SPAG16: variants seen among roughly 807,000 people sequenced by gnomAD.
The protein encoded by SPAG16 is sperm associated antigen 16.
SPAG16 carries 86 observed loss-of-function variants against 80.4 expected under a neutral mutation model. The ratio of observed to expected loss-of-function variants is 1.07; its 90% CI spans 0.90 to 1.28. The LOEUF (loss-of-function observed/expected upper bound fraction) is 1.28, where lower values mean the gene tolerates loss of function less well. Among genes scored for constraint, SPAG16 ranks in the 50% most tolerant of loss-of-function variants. The probability of loss-of-function intolerance (pLI) is 0.00; values close to 1 mark genes in which losing one functional copy is unlikely to be tolerated. For missense variants in SPAG16, 870 were observed against 765.3 expected, an observed-to-expected ratio of 1.14 and a Z score of -1.61; for synonymous variants, 294 against 265.9, an observed-to-expected ratio of 1.11 and a Z score of -1.03.
chr2:214,278,128 C>G (rs1692615850), intron 15 of SPAG16, among the ~76,000 whole-genome samples: 1 of 152,180 alleles, frequency 6.6e-6, no homozygotes, highest in African/African-American at 2.4e-5. Context: ...GAGCCAGGCG[C>G]AGGATGTAAT....
chr2:213,331,099 T>A (rs1457632589), intron 5 of SPAG16, among the ~76,000 whole-genome samples: 1 of 152,066 alleles, frequency 6.6e-6, no homozygotes, highest in African/African-American at 2.4e-5. Flanking sequence ...CTATCAGGGG[T>A]AGAGAGTTTT....
At chr2:213,381,734 A>G (rs1377976469) in intron 9 of SPAG16, among the ~76,000 whole-genome samples, 1 of 152,214 alleles carries the variant, frequency 6.6e-6, no homozygotes, top group Non-Finnish European at 1.5e-5. Flanking sequence ...GCCTATTGTG[A>G]GAGATGTAGC....
At chr2:213,883,545 T>G (rs777200143) in intron 11 of SPAG16, among the ~76,000 whole-genome samples, 2 of 152,196 alleles carry the variant, frequency 1.3e-5, no homozygotes, top group Non-Finnish European at 2.9e-5. Flanking sequence ...AAGTGTCAAG[T>G]TTAAGGCCAG....
At chr2:213,755,707 T>C (rs972878626) in intron 10 of SPAG16, among the ~76,000 whole-genome samples, 44 of 152,158 alleles carry the variant, frequency 2.9e-4, no homozygotes, top group Non-Finnish European at 5.9e-5. Flanking sequence ...TTCAAGCTGA[T>C]GATAATGATG....
intron 15 of SPAG16, among the ~76,000 whole-genome samples, chr2:214,213,667 GT>G (rs2125755569): frequency 6.6e-6 from 1 of 152,294 alleles, no homozygotes; most frequent in Non-Finnish European, 1.5e-5. Flanking sequence ...TTTGGAAACT[GT>G]CCCCTGGAAT....
intron 10 of SPAG16, among the ~76,000 whole-genome samples, chr2:213,799,347 T>G (rs2071239326): frequency 1.3e-5 from 2 of 152,160 alleles, no homozygotes; most frequent in South Asian, 4.1e-4. Context: ...GATGGAATTA[T>G]TTTCCTAATT....
At chr2:213,584,799 C>T (rs1490328039) in intron 10 of SPAG16, among the ~76,000 whole-genome samples, 2 of 152,030 alleles carry the variant, frequency 1.3e-5, no homozygotes, top group African/African-American at 4.8e-5. Context: ...TTATTGGTGG[C>T]TAGGAAATAT....
chr2:214,019,379 A>G (rs1020271289), intron 13 of SPAG16, among the ~76,000 whole-genome samples: 2 of 152,170 alleles, frequency 1.3e-5, no homozygotes, highest in Non-Finnish European at 1.5e-5. Flanking sequence ...TGGGCTGGCA[A>G]CAGTCAGAGT....
At chr2:213,706,824 G>A (rs535858076) in intron 10 of SPAG16, among the ~76,000 whole-genome samples, 2 of 152,248 alleles carry the variant, frequency 1.3e-5, no homozygotes, top group East Asian at 3.9e-4. Flanking sequence ...TATACTCACT[G>A]TCTGTAGCTA....
At chr2:214,269,782 G>C (rs1306952855) in intron 15 of SPAG16, among the ~76,000 whole-genome samples, 2 of 152,054 alleles carry the variant, frequency 1.3e-5, no homozygotes, top group African/African-American at 4.8e-5. Flanking sequence ...AAGCAGAGAA[G>C]GTCTGTGAGA....
chr2:213,702,472 C>T (rs569426317), intron 10 of SPAG16, among the ~76,000 whole-genome samples: 86 of 152,250 alleles, frequency 5.6e-4, no homozygotes, highest in Non-Finnish European at 9.6e-4. Flanking sequence ...CACGAACTCA[C>T]CAAAAGGAAC....
chr2:214,323,647 T>G (rs920252626), intron 15 of SPAG16, among the ~76,000 whole-genome samples: 1 of 152,226 alleles, frequency 6.6e-6, no homozygotes, highest in Non-Finnish European at 1.5e-5. Context: ...GATTGCGATA[T>G]TTCTTTCCAA....
At chr2:213,749,262 A>G (rs1232830436) in intron 10 of SPAG16, among the ~76,000 whole-genome samples, 1 of 152,110 alleles carries the variant, frequency 6.6e-6, no homozygotes, top group Admixed American at 6.5e-5. Context: ...TTTATGTTTA[A>G]TGGTCATTTA....
chr2:213,916,310 CCA>C (rs1445513157), intron 11 of SPAG16, among the ~76,000 whole-genome samples: 2 of 152,172 alleles, frequency 1.3e-5, no homozygotes, highest in African/African-American at 4.8e-5. Flanking sequence ...AGGAAGGGAT[CCA>C]GTTTCACTTC....
intron 10 of SPAG16, among the ~76,000 whole-genome samples, chr2:213,749,550 C>T (rs1454329621): frequency 6.6e-6 from 1 of 152,160 alleles, no homozygotes; most frequent in Non-Finnish European, 1.5e-5. Flanking sequence ...CTCCATATAG[C>T]TGAAGTAGTG....
chr2:214,318,217 G>A (rs1188237640), intron 15 of SPAG16, among the ~76,000 whole-genome samples: 1 of 152,048 alleles, frequency 6.6e-6, no homozygotes, highest in Non-Finnish European at 1.5e-5. Flanking sequence ...TGACTGATAT[G>A]CGATACTTGG....
At position 213,503,884 on chromosome 2, in the gene SPAG16, G is replaced by C. The variant is rs372468119; in HGVS notation, c.1070+13794G>C. 1.8e-4 allele frequency among the ~76,000 whole-genome samples: 28 copies of C among 152,298 alleles called. No individual in the cohort carries two copies. In the East Asian group the frequency reaches 3.9e-3, roughly 21 times the overall value. On this transcript the variant is annotated intron_variant, in intron 10 of 15. Transcript: ENST00000331683. ...TGAGGGTTAGTGGGAGGAAAAGCAG[G>C]TTTTAATTGGAAAGCCAGCAAACTG...
chr2:213,429,410 C>T (rs2070150769), intron 9 of SPAG16, among the ~76,000 whole-genome samples: 1 of 152,098 alleles, frequency 6.6e-6, no homozygotes, highest in South Asian at 2.1e-4. Flanking sequence ...TTAAGTTGCT[C>T]CCTGGCCTAG....
intron 15 of SPAG16, among the ~76,000 whole-genome samples, chr2:214,311,336 T>C (rs562409668): frequency 6.6e-6 from 1 of 152,208 alleles, no homozygotes; most frequent in East Asian, 1.9e-4. Flanking sequence ...TAATGACCCA[T>C]AACAGATACA....
Sources: gnomAD v4.1 joint callset for allele counts (sites outside exome capture counted in the v4.1 genomes callset) on GRCh38, gnomAD v4.1.1 for gene constraint, MANE v1.5 for transcripts, NCBI Gene and HGNC (gene_info 2026-07-23, HGNC 2026-07-21) for gene names.